The following FRMD4B variants were observed in gnomAD, a reference collection of about 807,000 sequenced individuals.
FRMD4B encodes the protein FERM domain containing 4B.
A neutral mutation model predicts 141.5 loss-of-function variants in FRMD4B; 74 were observed. That is an observed-to-expected ratio of 0.52 (90% CI 0.43 to 0.63). The LOEUF (loss-of-function observed/expected upper bound fraction) is 0.63, where lower values mean the gene tolerates loss of function less well. Ranked by LOEUF, FRMD4B falls within the 30% of genes least tolerant of loss-of-function variation. FRMD4B has a pLI of 0.00. For missense variants in FRMD4B, 1,366 were observed against 1,253.4 expected, an observed-to-expected ratio of 1.09 and a Z score of -1.36; for synonymous variants, 506 against 467.9, an observed-to-expected ratio of 1.08 and a Z score of -1.05.
intron 1 of FRMD4B, among the ~76,000 whole-genome samples, chr3:69,521,710 A>G (rs1700858107): frequency 6.6e-6 from 1 of 152,152 alleles, no homozygotes; most frequent in South Asian, 2.1e-4. Flanking sequence ...TACTCATAAA[A>G]TCTACCAAGC....
chr3:69,316,604 T>A (rs1039196524), intron 1 of FRMD4B, among the ~76,000 whole-genome samples: 1 of 151,976 alleles, frequency 6.6e-6, no homozygotes, highest in East Asian at 1.9e-4. Flanking sequence ...CAGAGGAGGA[T>A]ATAATTAAGA....
rs367848434 is a variant in FRMD4B at position 69,288,280 on chromosome 3, G to A, written c.417-444C>T. On this transcript the variant is annotated intron_variant, in intron 4 of 22. Coordinates refer to ENST00000398540, the MANE Select transcript of FRMD4B (RefSeq NM_015123.3). ...GCTTGAGGCTCGGGGGTTTTTAGAC[G>A]GAGGGGCCTGAGGGCCCCATGCCTA... Among the ~76,000 whole-genome samples, 11 of 152,350 alleles carry A rather than the reference G, an allele frequency of 7.2e-5. No homozygotes were observed. The East Asian group carries it at 1.5e-3, about 21-fold the overall frequency.
At chr3:69,324,801 T>A (rs1226809765) in intron 1 of FRMD4B, among the ~76,000 whole-genome samples, 1 of 151,946 alleles carries the variant, frequency 6.6e-6, no homozygotes, top group African/African-American at 2.4e-5. Context: ...ATGAGGAAAT[T>A]GATGGAGAAG....
At chr3:69,286,699 C>T (rs567613114) in intron 5 of FRMD4B, among the ~76,000 whole-genome samples, 77 of 152,354 alleles carry the variant, frequency 5.1e-4, no homozygotes, top group African/African-American at 1.8e-3. Context: ...GGCTTCCCTT[C>T]CCTTCCTCAG....
At chr3:69,173,090 C>A (rs1369043475) in intron 22 of FRMD4B, among the ~76,000 whole-genome samples, 1 of 152,158 alleles carries the variant, frequency 6.6e-6, no homozygotes. Context: ...GATCTCACTT[C>A]TGGAGACACA....
chr3:69,182,090 G>T (rs2092714403), intron 20 of FRMD4B, among the ~76,000 whole-genome samples: 1 of 152,156 alleles, frequency 6.6e-6, no homozygotes, highest in Admixed American at 6.6e-5. Flanking sequence ...TGAAGATATG[G>T]TACATTCGAG....
At chr3:69,182,559 A>C in intron 20 of FRMD4B, 39 bp downstream of exon 20, 1 of 1,561,086 alleles carries the variant, frequency 6.4e-7, no homozygotes, top group Non-Finnish European at 8.6e-7. Context: ...CAAAGCAAAA[A>C]TCAAGACAGC....
Position 69,181,638 on chromosome 3 carries a change from C to G in FRMD4B, c.2112G>C (p.Glu704Asp). 4 of 1,613,152 alleles carry G rather than the reference C, an allele frequency of 2.5e-6. No individual in the cohort carries two copies. The highest frequency in any genetic ancestry group is 3.4e-6 in the Non-Finnish European group (4 of 1,179,146). The change falls in exon 21 of 23, where the codon GAG (glutamate) becomes GAC (aspartate). Residue 704 changes from glutamate (E) to aspartate (D), a missense_variant. Transcript: ENST00000398540. Reference sequence around the variant, plus strand: ...AGAAAAATGGCTTATCGCTGTCCATCTCGGAGAGCAGGTGGGACTGGGACT... The same window carrying G: ...AGAAAAATGGCTTATCGCTGTCCATGTCGGAGAGCAGGTGGGACTGGGACT... ...SLESQSHLLS[E>D]MDSDKPFFSL...
chr3:69,277,100 C>G lies in FRMD4B; in HGVS notation c.501+10652G>C, dbSNP rs745419975. ...GGGAAGATAAAAATAAACATGATTG[C>G]ATAGTCTTGCAATAACCCTATTTTT... On this transcript the variant is annotated intron_variant, in intron 5 of 22. Coordinates refer to ENST00000398540, the MANE Select transcript of FRMD4B (RefSeq NM_015123.3). Among the ~76,000 whole-genome samples, 5 of 152,272 alleles carry G rather than the reference C, an allele frequency of 3.3e-5. No homozygotes were observed. In the South Asian group the frequency reaches 6.2e-4, roughly 19 times the overall value.
intron 1 of FRMD4B, among the ~76,000 whole-genome samples, chr3:69,319,336 C>G (rs1701915982): frequency 6.6e-6 from 1 of 152,116 alleles, no homozygotes; most frequent in Non-Finnish European, 1.5e-5. Flanking sequence ...ACTTCTGAGG[C>G]CCACAATTAT....
At chr3:69,324,009 C>CGAAGCAAGGCCAGAAGAAGA (rs1223139308) in intron 1 of FRMD4B, among the ~76,000 whole-genome samples, 76 of 152,280 alleles carry the variant, frequency 5.0e-4, no homozygotes, top group African/African-American at 1.8e-3. Context: ...GCCACTGTCT[C>CGAAGCAAGGCCAGAAGAAGA]GAAGCAAGGC....
chr3:69,433,323 A>C (rs1266043757), intron 1 of FRMD4B, among the ~76,000 whole-genome samples: 1 of 152,232 alleles, frequency 6.6e-6, no homozygotes, highest in Non-Finnish European at 1.5e-5. Flanking sequence ...CAGAAAAGAA[A>C]ACAGCTTTTC....
intron 5 of FRMD4B, among the ~76,000 whole-genome samples, chr3:69,269,381 C>T (rs1219440343): frequency 6.6e-6 from 1 of 151,824 alleles, no homozygotes; most frequent in African/African-American, 2.4e-5. Context: ...GTAATGTTAT[C>T]ACCCTCCCCC....
chr3:69,528,992 C>A (rs530757106), intron 1 of FRMD4B, among the ~76,000 whole-genome samples: 4 of 152,146 alleles, frequency 2.6e-5, no homozygotes, highest in Non-Finnish European at 5.9e-5. Context: ...CCTGCATTTC[C>A]AGCCCACCAC....
intron 1 of FRMD4B, among the ~76,000 whole-genome samples, chr3:69,352,076 C>A (rs1171919061): frequency 3.3e-5 from 5 of 152,120 alleles, no homozygotes; most frequent in African/African-American, 1.2e-4. Flanking sequence ...ACAGAGTATG[C>A]TCTGGAGTGG....
intron 1 of FRMD4B, among the ~76,000 whole-genome samples, chr3:69,506,995 A>C (rs1435361342): frequency 2.0e-5 from 3 of 152,152 alleles, no homozygotes; most frequent in African/African-American, 7.2e-5. Context: ...TGATCAATAA[A>C]TTTTGTTAAA....
chr3:69,476,338 T>C (rs1372588426), intron 1 of FRMD4B, among the ~76,000 whole-genome samples: 1 of 152,078 alleles, frequency 6.6e-6, no homozygotes, highest in Non-Finnish European at 1.5e-5. Context: ...TGGTTTTAGG[T>C]CTAACGTTTA....
intron 17 of FRMD4B, among the ~76,000 whole-genome samples, chr3:69,192,257 T>G (rs2092846189): frequency 6.6e-6 from 1 of 152,032 alleles, no homozygotes; most frequent in Admixed American, 6.6e-5. Context: ...GTGCCTATAG[T>G]CCCAGCTGCT....
At chr3:69,414,025 G>A (rs1397007859) in intron 2 of FRMD4B, among the ~76,000 whole-genome samples, 1 of 152,156 alleles carries the variant, frequency 6.6e-6, no homozygotes, top group Non-Finnish European at 1.5e-5. Flanking sequence ...TAAGGATGAT[G>A]CTGGCTTGGA....
Sources: allele counts gnomAD v4.1 joint callset (sites outside exome capture counted in the v4.1 genomes callset), GRCh38; gene constraint gnomAD v4.1.1; transcripts MANE v1.5; gene names NCBI Gene and HGNC (gene_info 2026-07-23, HGNC 2026-07-21).